Variants in PDPK1 observed in about 807,000 individuals in gnomAD.
The protein encoded by PDPK1 is 3-phosphoinositide-dependent protein kinase 1.
A neutral mutation model predicts 39.8 loss-of-function variants in PDPK1; 7 were observed. The ratio of observed to expected loss-of-function variants is 0.18; its 90% CI spans 0.10 to 0.33. The LOEUF (loss-of-function observed/expected upper bound fraction) is 0.33, where lower values mean the gene tolerates loss of function less well. PDPK1 is among the 10% of genes least tolerant of loss of function. The pLI is 1.00. For synonymous variants in PDPK1, 118 were observed against 159.1 expected (o/e 0.74, Z 1.95); for missense variants, 182 against 384.7 (o/e 0.47, Z 4.41).
rs185401189 is a variant in PDPK1 at position 2,584,936 on chromosome 16, G to A, written c.1125+1351G>A. 5.7e-4 allele frequency among the ~76,000 whole-genome samples: 87 copies of A among 152,330 alleles called. 1 individual carries two copies. Among genetic ancestry groups the A allele is most frequent in the African/African-American group, 1.8e-3 (76 of 41,584 alleles). ...CTGCTCCTGCGTGGTGTTTGGTTAC[G>A]GCTGGCAGGTGCCACGGGGCTGCAG... On this transcript the variant is annotated intron_variant, in intron 10 of 13. Transcript: ENST00000342085.
intron 12 of PDPK1, 99 bp downstream of exon 12, chr16:2,595,949 T>A: frequency 1.1e-6 from 1 of 879,446 alleles, no homozygotes; most frequent in South Asian, 1.4e-5. Flanking sequence ...TCCTTCCATC[T>A]CTTGATTTTC....
intron 1 of PDPK1, among the ~76,000 whole-genome samples, chr16:2,544,492 A>G (rs1224200226): frequency 6.6e-6 from 1 of 152,230 alleles, no homozygotes. Context: ...AGTTGAAAGC[A>G]TAGTACAATG....
chr16:2,590,345 G>C (rs2141999212), intron 11 of PDPK1, among the ~76,000 whole-genome samples: 1 of 152,304 alleles, frequency 6.6e-6, no homozygotes, highest in Non-Finnish European at 1.5e-5. Context: ...ATGGCACCAA[G>C]CAGTGCCAGG....
rs1309241051 is a variant in PDPK1 at position 2,551,929 on chromosome 16, G to C, written c.25-5774G>C. Among the ~76,000 whole-genome samples the C allele has an allele frequency of 2.6e-5, 4 of 151,446 alleles. No homozygotes were observed. In the East Asian group the frequency reaches 5.8e-4, roughly 22 times the overall value. On this transcript the variant is annotated intron_variant, in intron 1 of 13. Transcript: ENST00000342085. Reference sequence around the variant, plus strand: ...GATGCGCCTGCCTCGGCCTCCCAAAGTGCTGGGATTATAGGCATGAGCCAC... The same window carrying C: ...GATGCGCCTGCCTCGGCCTCCCAAACTGCTGGGATTATAGGCATGAGCCAC...
chr16:2,543,502 C>T (rs895060973), intron 1 of PDPK1, among the ~76,000 whole-genome samples: 1 of 132,896 alleles, frequency 7.5e-6, no homozygotes, highest in African/African-American at 3.0e-5. Context: ...CCTGGCCTGT[C>T]ACTTTGTTCC....
At position 2,553,300 on chromosome 16, in the gene PDPK1, G is replaced by A. The variant is rs1249931275; in HGVS notation, c.25-4403G>A. The stretch of plus-strand genomic sequence containing the variant: ...AGTGATCCTCCCACCTCAGCTGGAA[G>A]TGGAACCACAGGTGCACACCACCGT... On this transcript the variant is annotated intron_variant, in intron 1 of 13. Coordinates refer to ENST00000342085, the MANE Select transcript of PDPK1 (RefSeq NM_002613.5). 2.2e-5 allele frequency among the ~76,000 whole-genome samples: 3 copies of A among 137,168 alleles called. No individual in the cohort carries two copies. In the East Asian group the frequency reaches 6.2e-4, roughly 28 times the overall value. 90.0% of individuals were successfully genotyped at this position (137,168 alleles called of 152,430 possible).
chr16:2,553,170 TA>T (rs1162812696), intron 1 of PDPK1, among the ~76,000 whole-genome samples: 2,349 of 130,416 alleles, frequency 0.018, 13 homozygotes, highest in Middle Eastern at 0.034. Context: ...CTTTTTTTTT[TA>T]AAAAAAAAAA....
At chr16:2,543,808 G>A (rs576914837) in intron 1 of PDPK1, among the ~76,000 whole-genome samples, 32 of 152,110 alleles carry the variant, frequency 2.1e-4, no homozygotes, top group African/African-American at 7.5e-4. Flanking sequence ...CGCAACCTCC[G>A]TCTTTCAGGT....
In PDPK1 at chr16:2,586,687, C is replaced by G. The variant is rs1227653223; in HGVS notation, c.1137C>G (p.Leu379=). The change falls in exon 11 of 14, where the codon CTC becomes CTG. Residue 379 remains leucine (L), a synonymous_variant. Transcript: ENST00000342085. ...DEDCYGNYDN[L]LSQFGCMQVS... is the part of the protein sequence containing the mutation. ...CTTCTTCTCTGCAGTATGACAATCT[C>G]CTGAGCCAGTTTGGCTGCATGCAGG... 3.1e-6 allele frequency: 5 copies of G among 1,614,174 alleles called. No individual in the cohort carries two copies. The highest frequency in any genetic ancestry group is 2.2e-5 in the South Asian group (2 of 91,080).
chr16:2,573,342 C>T (rs1318682833), intron 6 of PDPK1, among the ~76,000 whole-genome samples: 1 of 2,188 alleles, frequency 4.6e-4, no homozygotes, highest in Non-Finnish European at 1.1e-3. Flanking sequence ...GGGATGGCAT[C>T]GAGTCTAGAG....
chr16:2,552,641 C>G (rs1202528511), intron 1 of PDPK1, among the ~76,000 whole-genome samples: 1 of 133,310 alleles, frequency 7.5e-6, no homozygotes, highest in Non-Finnish European at 1.6e-5. Flanking sequence ...GGGGATGGCA[C>G]CTGGTAGCTT....
At position 2,540,018 on chromosome 16, in the gene PDPK1, C is replaced by T. The variant is rs1043386390; in HGVS notation, c.24+1882C>T. ...CACATGAGGAAGTGTCACGAACGAG[C>T]GTTTTGCATCTGTCAGCTGGATTCC... is the stretch of plus-strand genomic sequence containing the variant. On this transcript the variant is annotated intron_variant, in intron 1 of 13. Coordinates refer to ENST00000342085, the MANE Select transcript of PDPK1 (RefSeq NM_002613.5). Among the ~76,000 whole-genome samples, 10 of 152,164 alleles carry T rather than the reference C, an allele frequency of 6.6e-5. 1 individual carries two copies. The highest frequency in any genetic ancestry group is 1.3e-4 in the Non-Finnish European group (9 of 68,032).
chr16:2,546,475 A>T (rs1197447832), intron 1 of PDPK1, among the ~76,000 whole-genome samples: 1 of 152,164 alleles, frequency 6.6e-6, no homozygotes, highest in African/African-American at 2.4e-5. Flanking sequence ...CTGGGATTAC[A>T]GGCTCCTGCC....
rs2067236376 is a variant in PDPK1, at chr16:2,602,435, C to T, written c.*4668C>T. 4.2e-6 allele frequency: 1 copy of T among 235,408 alleles called. No individual in the cohort carries two copies. The highest frequency in any genetic ancestry group is 6.0e-5 in the East Asian group (1 of 16,602). The allele number at this position is 235,408 out of a possible 1,614,324, so 14.6% of individuals were successfully genotyped here. A position where few individuals can be genotyped will look rare whatever the true frequency, so the allele number is the denominator to read the frequency against. On this transcript the variant is annotated 3_prime_UTR_variant, in exon 14 of 14. Transcript: ENST00000342085. The stretch of plus-strand genomic sequence containing the variant: ...GAGCCTACGTGTGTACCTGAATTTT[C>T]CCCGTAACTCATTTCTTCCATATGA...
intron 11 of PDPK1, among the ~76,000 whole-genome samples, chr16:2,592,343 G>A (rs979662372): frequency 2.6e-5 from 4 of 152,154 alleles, no homozygotes; most frequent in African/African-American, 7.2e-5. Flanking sequence ...GAGGTGCCTC[G>A]GGAAAGTCCC....
At chr16:2,545,247 C>T (rs2066320020) in intron 1 of PDPK1, among the ~76,000 whole-genome samples, 1 of 152,016 alleles carries the variant, frequency 6.6e-6, no homozygotes, top group South Asian at 2.1e-4. Flanking sequence ...TGTAACGTGG[C>T]ATTTTCTAAT....
chr16:2,542,829 C>T (rs2066268498), intron 1 of PDPK1, among the ~76,000 whole-genome samples: 1 of 152,076 alleles, frequency 6.6e-6, no homozygotes, highest in South Asian at 2.1e-4. Context: ...AGGTCCCCGT[C>T]TCCTGCGTGT....
chr16:2,595,522 C>T (rs913251827), intron 11 of PDPK1, among the ~76,000 whole-genome samples: 2 of 152,206 alleles, frequency 1.3e-5, no homozygotes, highest in Non-Finnish European at 2.9e-5. Context: ...CCACCTTTTC[C>T]CCGCTGTGTG....
chr16:2,576,770 G>A (rs531541257), intron 6 of PDPK1: 7,567 of 170,388 alleles, frequency 0.044, 347 homozygotes, highest in Non-Finnish European at 0.068. Context: ...CACCTGGGCA[G>A]TCATGAAGTC....
Sources: gnomAD v4.1 joint callset for allele counts (sites outside exome capture counted in the v4.1 genomes callset) on GRCh38, gnomAD v4.1.1 for gene constraint, MANE v1.5 for transcripts, NCBI Gene and HGNC (gene_info 2026-07-23, HGNC 2026-07-21) for gene names.